The following SYK variants were observed in gnomAD, a reference collection of about 807,000 sequenced individuals.
SYK encodes the protein spleen associated tyrosine kinase.
In SYK, 16 loss-of-function variants were observed where a neutral mutation model predicts 77.8. The ratio of observed to expected loss-of-function variants is 0.21; its 90% CI spans 0.14 to 0.31. SYK has a LOEUF of 0.31. Among genes scored for constraint, SYK ranks in the 10% least tolerant of loss-of-function variants. The pLI is 1.00. For synonymous variants in SYK, 312 were observed against 308.7 expected (o/e 1.01, Z -0.11); for missense variants, 529 against 814.4 (o/e 0.65, Z 4.26).
At chr9:90,850,032 T>C (rs1252438907) in intron 3 of SYK, among the ~76,000 whole-genome samples, 1 of 152,232 alleles carries the variant, frequency 6.6e-6, no homozygotes, top group African/African-American at 2.4e-5. Flanking sequence ...TACCATGACC[T>C]CTGCAGGTGA....
intron 4 of SYK, 149 bp downstream of exon 4, chr9:90,862,493 A>G (rs1827313077): frequency 1.0e-6 from 1 of 966,870 alleles, no homozygotes; most frequent in South Asian, 2.0e-5. Flanking sequence ...GCTCATGAGA[A>G]ACACACACCT....
At chr9:90,894,173 C>T (rs1331892651) in intron 13 of SYK, among the ~76,000 whole-genome samples, 1 of 152,154 alleles carries the variant, frequency 6.6e-6, no homozygotes, top group Non-Finnish European at 1.5e-5. Flanking sequence ...GCAGAGCCCC[C>T]TGTTTTGCAA....
chr9:90,876,268 C>T (rs1439930305), intron 9 of SYK, among the ~76,000 whole-genome samples: 1 of 123,226 alleles, frequency 8.1e-6, no homozygotes, highest in Non-Finnish European at 1.7e-5. Context: ...GCCTGGGCAA[C>T]AAGAGTGAAA....
At chr9:90,882,753 A>G (rs1828206861) in intron 11 of SYK, among the ~76,000 whole-genome samples, 1 of 152,210 alleles carries the variant, frequency 6.6e-6, no homozygotes, top group Non-Finnish European at 1.5e-5. Flanking sequence ...GGTCTAAGAG[A>G]GAACACAGAT....
rs573890264 is a variant in SYK, at chr9:90,850,496, A to G, written c.578+4902A>G. On this transcript the variant is annotated intron_variant, in intron 3 of 13. Transcript: ENST00000375754. ...GTGCCACTGCACTCCAGCCTGGGCA[A>G]CAGAGCAAGACTCCATCTCAAAAAA... Among the ~76,000 whole-genome samples the G allele has an allele frequency of 3.1e-3, 474 of 152,244 alleles. 2 individuals carry two copies. Among genetic ancestry groups the G allele is most frequent in the African/African-American group, 0.011 (453 of 41,536 alleles).
intron 1 of SYK, among the ~76,000 whole-genome samples, chr9:90,809,611 A>G (rs919444803): frequency 2.0e-5 from 3 of 152,210 alleles, no homozygotes; most frequent in Non-Finnish European, 2.9e-5. Context: ...TTAAGCATAT[A>G]CAATAGGAAT....
At chr9:90,826,932 T>G (rs545076595) in intron 1 of SYK, among the ~76,000 whole-genome samples, 1 of 152,128 alleles carries the variant, frequency 6.6e-6, no homozygotes, top group African/African-American at 2.4e-5. Context: ...CCCTACACAT[T>G]GGCCTTTCCG....
chr9:90,895,436 A>G lies in SYK; in HGVS notation c.1836-92A>G. On this transcript the variant is annotated intron_variant, in intron 13 of 13. Transcript: ENST00000375754. The surrounding 1 kb of genome is among the most constrained non-coding windows in gnomAD (Gnocchi z 4.4). ...CTAGAGTTAGCCACCAGGGAGCAGCACCACTGGTACTCAGCCTGCAGAGGC... is the reference window on the plus strand; with the variant it reads ...CTAGAGTTAGCCACCAGGGAGCAGCGCCACTGGTACTCAGCCTGCAGAGGC... 1 of 1,340,306 alleles carries G rather than the reference A, an allele frequency of 7.5e-7. No homozygotes were observed. The highest frequency in any genetic ancestry group is 2.3e-5 in the East Asian group (1 of 43,484). The allele number at this position is 1,340,306 out of a possible 1,614,324, so 83.0% of individuals were successfully genotyped here.
chr9:90,825,117 G>C (rs199919357), intron 1 of SYK, among the ~76,000 whole-genome samples: 1 of 87,102 alleles, frequency 1.1e-5, no homozygotes, highest in Non-Finnish European at 2.3e-5. Flanking sequence ...GCACCAAAAA[G>C]ACAAAAAAAA....
chr9:90,875,408 A>G (rs1478501563), intron 9 of SYK, among the ~76,000 whole-genome samples: 3 of 145,758 alleles, frequency 2.1e-5, no homozygotes, highest in Non-Finnish European at 4.5e-5. Context: ...GTTTCAAAAA[A>G]CAAAACAAAA....
chr9:90,846,457 C>A (rs2278278), intron 3 of SYK, among the ~76,000 whole-genome samples: 132,347 of 152,208 alleles, frequency 0.87, 57,905 homozygotes, highest in African/African-American at 0.93. Context: ...TTTTCTCTGC[C>A]TGTCCATCTA....
At chr9:90,892,174 C>T (rs1828817709) in intron 13 of SYK, among the ~76,000 whole-genome samples, 1 of 152,200 alleles carries the variant, frequency 6.6e-6, no homozygotes, top group African/African-American at 2.4e-5. Flanking sequence ...AAGAACCATA[C>T]ATTTAAGGAG....
rs867241355 is a variant in SYK at position 90,862,276 on chromosome 9, C to T, written c.649C>T (p.Arg217Cys). Residue 217 changes from arginine to cysteine, a missense_variant, in exon 4 of 14, where the codon CGC (arginine) becomes TGC (cysteine). Physicochemically the swap from Arg to Cys is radical, Grantham distance 180. Around this residue, in one of 2 missense-constraint regions of SYK, gnomAD observed 321 missense variants for 433.1 expected, o/e 0.74. Coordinates refer to ENST00000375754, the MANE Select transcript of SYK (RefSeq NM_003177.7). ...GCACGAAGGGAAGGTGCTGCACTATCGCATCGACAAAGACAAGACAGGGAA... is the reference window on the plus strand; with the variant it reads ...GCACGAAGGGAAGGTGCTGCACTATTGCATCGACAAAGACAAGACAGGGAA... ...LLHEGKVLHY[R>C]IDKDKTGKLS... is the part of the protein sequence containing the mutation. The T allele has an allele frequency of 1.2e-6, 2 of 1,614,166 alleles. No individual in the cohort carries two copies. Among genetic ancestry groups the T allele is most frequent in the Non-Finnish European group, 8.5e-7 (1 of 1,180,012 alleles).
In SYK at chr9:90,884,844, TAC is replaced by T. The variant is rs1218473457; in HGVS notation, c.1582-2899_1582-2898del. ...ATACACATATGTGTGTATATACATA[TAC>T]ACACATATGTGTGTATATACATATA... On this transcript the variant is annotated intron_variant, in intron 11 of 13. Transcript: ENST00000375754. Among the ~76,000 whole-genome samples the T allele has an allele frequency of 1.4e-4, 12 of 83,184 alleles. 3 individuals carry two copies. Among genetic ancestry groups the T allele is most frequent in the African/African-American group, 5.8e-4 (12 of 20,864 alleles). The allele number at this position is 83,184 out of a possible 152,430, so 54.6% of individuals were successfully genotyped here.
chr9:90,835,930 G>GA (rs1826064487), intron 1 of SYK, among the ~76,000 whole-genome samples: 1 of 152,066 alleles, frequency 6.6e-6, no homozygotes, highest in Non-Finnish European at 1.5e-5. Context: ...AAAAATATTG[G>GA]AAAAAAGTTT....
rs55920107 is a variant in SYK at position 90,865,070 on chromosome 9, T to C, written c.819T>C (p.Arg273=). The C allele has an allele frequency of 1.1e-5, 17 of 1,614,028 alleles. No individual in the cohort carries two copies. In the East Asian group the frequency reaches 3.3e-4, roughly 32 times the overall value. The change falls in exon 6 of 14, where the codon CGT becomes CGC. Residue 273 remains arginine (R), a synonymous_variant. Transcript: ENST00000375754. ...GTQGNVNFGG[R]PQLPGSHPAT... is the part of the protein sequence containing the mutation. ...CAGGAAATGTTAATTTTGGAGGCCG[T>C]CCACAACTTCCAGGTTCCCATCCTG...
At chr9:90,873,993 A>G (rs999468458) in intron 7 of SYK, among the ~76,000 whole-genome samples, 3 of 152,328 alleles carry the variant, frequency 2.0e-5, no homozygotes, top group Admixed American at 6.5e-5. Context: ...GAGTTGTAGC[A>G]GCACAAGCTT....
At chr9:90,848,080 A>G (rs768383593) in intron 3 of SYK, among the ~76,000 whole-genome samples, 2 of 152,010 alleles carry the variant, frequency 1.3e-5, no homozygotes, top group Non-Finnish European at 2.9e-5. Context: ...GAGTGTTTGA[A>G]TATGGTTGTG....
intron 7 of SYK, among the ~76,000 whole-genome samples, chr9:90,873,344 A>G (rs1481388344): frequency 7.2e-6 from 1 of 139,756 alleles, no homozygotes; most frequent in African/African-American, 2.8e-5. Context: ...ACTCACGCTG[A>G]AAAAAAAAAA....
Sources: gnomAD v4.1 joint callset for allele counts (sites outside exome capture counted in the v4.1 genomes callset) on GRCh38, gnomAD v4.1.1 for gene constraint, gnomAD v4.1.1 regional missense constraint, Gnocchi (gnomAD v3.1) non-coding constraint, MANE v1.5 for transcripts, NCBI Gene and HGNC (gene_info 2026-07-23, HGNC 2026-07-21) for gene names.